MCTP1: variants seen among roughly 807,000 people sequenced by gnomAD.
MCTP1 encodes multiple C2 and transmembrane domain-containing protein 1.
A neutral mutation model predicts 120.6 loss-of-function variants in MCTP1; 69 were observed. The ratio of observed to expected loss-of-function variants is 0.57; its 90% CI spans 0.47 to 0.70. The LOEUF (loss-of-function observed/expected upper bound fraction) is 0.70, where lower values mean the gene tolerates loss of function less well. MCTP1 is among the 30% of genes least tolerant of loss of function. The pLI, the probability that MCTP1 is intolerant of heterozygous loss-of-function variation, is 0.00. For synonymous variants in MCTP1, 529 were observed against 493.1 expected, an observed-to-expected ratio of 1.07 and a Z score of -0.96; for missense variants, 1,203 against 1,248.8, an observed-to-expected ratio of 0.96 and a Z score of 0.55.
chr5:94,873,011 A>G, intron 13 of MCTP1, 128 bp downstream of exon 13: 1 of 635,472 alleles, frequency 1.6e-6, no homozygotes, highest in Non-Finnish European at 2.8e-6. Flanking sequence ...GTTGTTAGCA[A>G]AGGCAGGCCA....
rs140872535 is a variant in MCTP1, at chr5:95,118,588, G to C, written c.721-101104C>G. The stretch of plus-strand genomic sequence containing the variant: ...CAAAACTCTCCAATTAAAAGACATA[G>C]AGTGGCTGAATGGATTTTAAAGAAC... On this transcript the variant is annotated intron_variant, in intron 1 of 22. Transcript: ENST00000515393. Among the ~76,000 whole-genome samples the C allele has an allele frequency of 3.8e-3, 573 of 152,216 alleles. 4 individuals carry two copies. Among genetic ancestry groups the C allele is most frequent in the African/African-American group, 0.013 (533 of 41,538 alleles).
intron 1 of MCTP1, chr5:95,154,396 A>G (rs1008413821): frequency 1.3e-5 from 2 of 151,740 alleles, no homozygotes; most frequent in African/African-American, 4.9e-5. Context: ...TATTTCTACT[A>G]TATGTTAAAT....
chr5:94,758,783 C>A (rs1275356279), intron 19 of MCTP1, among the ~76,000 whole-genome samples: 2 of 151,980 alleles, frequency 1.3e-5, no homozygotes, highest in African/African-American at 4.8e-5. Context: ...TTGGAAAATG[C>A]ACAATTTTGT....
intron 7 of MCTP1, among the ~76,000 whole-genome samples, chr5:94,920,716 C>T (rs534932346): frequency 4.0e-5 from 6 of 150,046 alleles, no homozygotes; most frequent in Non-Finnish European, 5.9e-5. Flanking sequence ...CACTCCAGCC[C>T]GGGCGACAGA....
chr5:95,072,070 T>C (rs1018671855), intron 1 of MCTP1, among the ~76,000 whole-genome samples: 1 of 145,722 alleles, frequency 6.9e-6, no homozygotes, highest in South Asian at 2.2e-4. Context: ...TATGAAACAA[T>C]GCCAATTTTC....
rs572284612 is a variant in MCTP1 at position 94,913,655 on chromosome 5, T to C, written c.1351-679A>G. On this transcript the variant is annotated intron_variant, in intron 8 of 22. Coordinates refer to ENST00000515393, the MANE Select transcript of MCTP1 (RefSeq NM_024717.7). ...TATATTGGCAAGTATGTTTCTGAAT[T>C]TATTTTACATTTTAGTATCTGAATA... 3.9e-5 allele frequency among the ~76,000 whole-genome samples: 6 copies of C among 152,298 alleles called. No individual in the cohort carries two copies. The South Asian group carries it at 1.0e-3, about 26-fold the overall frequency.
rs116245284 is a variant in MCTP1, at chr5:95,034,943, A to G, written c.721-17459T>C. Among the ~76,000 whole-genome samples the G allele has an allele frequency of 4.2e-3, 638 of 152,182 alleles. 2 individuals are homozygous for G. Among genetic ancestry groups the G allele is most frequent in the Non-Finnish European group, 6.1e-3 (415 of 67,918 alleles). ...ACAGATACTTCTCAAAGGAAGATATACAAGTGACCAATAACCATTTGAAAA... is the reference window on the plus strand; with the variant it reads ...ACAGATACTTCTCAAAGGAAGATATGCAAGTGACCAATAACCATTTGAAAA... On this transcript the variant is annotated intron_variant, in intron 1 of 22. Transcript: ENST00000515393.
chr5:94,909,226 A>G (rs1807793180), intron 10 of MCTP1, 25 bp downstream of exon 10: 1 of 1,611,462 alleles, frequency 6.2e-7, no homozygotes, highest in South Asian at 1.1e-5. Context: ...CTAGGAGTGA[A>G]CCAAAAATTA....
chr5:95,266,509 T>G (rs1223986150), intron 1 of MCTP1, among the ~76,000 whole-genome samples: 4 of 152,224 alleles, frequency 2.6e-5, no homozygotes, highest in Non-Finnish European at 5.9e-5. Context: ...GTTTGAATAG[T>G]ATAATGTTTA....
chr5:95,200,343 T>C (rs1318643943), intron 1 of MCTP1, among the ~76,000 whole-genome samples: 2 of 152,092 alleles, frequency 1.3e-5, no homozygotes, highest in African/African-American at 4.8e-5. Context: ...ATCCCAATAC[T>C]GGGTATATAT....
chr5:94,791,367 C>T (rs2152987635), intron 18 of MCTP1, among the ~76,000 whole-genome samples: 1 of 151,734 alleles, frequency 6.6e-6, no homozygotes, highest in Non-Finnish European at 1.5e-5. Context: ...CAGTGGCTCG[C>T]ACCTGTTGTC....
At chr5:94,800,083 C>T (rs1490819353) in intron 17 of MCTP1, among the ~76,000 whole-genome samples, 1 of 152,170 alleles carries the variant, frequency 6.6e-6, no homozygotes, top group African/African-American at 2.4e-5. Context: ...TATATATCCC[C>T]TCTTTCGTTT....
rs986510943 is a variant in MCTP1, at chr5:95,284,044, G to C, written c.532C>G (p.Arg178Gly). 1.3e-6 allele frequency: 2 copies of C among 1,522,086 alleles called. No individual in the cohort carries two copies. The highest frequency in any genetic ancestry group is 1.4e-5 in the African/African-American group (1 of 70,446). 94.3% of individuals were successfully genotyped at this position (1,522,086 alleles called of 1,614,324 possible). ...SSPQPPPRGD[R>G]ARDEGARRQG... Reference sequence around the variant, plus strand: ...CGCCGTGCACCCTCATCTCGGGCGCGGTCCCCCCTCGGGGGAGGCTGGGGC... The same window carrying C: ...CGCCGTGCACCCTCATCTCGGGCGCCGTCCCCCCTCGGGGGAGGCTGGGGC... Residue 178 changes from arginine to glycine, a missense_variant, in exon 1 of 23, where the codon CGC becomes GGC. Physicochemically the swap from Arg to Gly is moderately radical, Grantham distance 125 (BLOSUM62 -2). Transcript: ENST00000515393. The surrounding 1 kb of genome is among the most constrained non-coding windows in gnomAD (Gnocchi z 5.2).
At chr5:94,803,292 T>C (rs255341) in intron 17 of MCTP1, among the ~76,000 whole-genome samples, 110,600 of 152,060 alleles carry the variant, frequency 0.73, 40,890 homozygotes, top group Middle Eastern at 0.83. Flanking sequence ...AAAAAGAACA[T>C]TGAGAGTTTT....
At chr5:95,198,615 T>C (rs1041405777) in intron 1 of MCTP1, among the ~76,000 whole-genome samples, 4 of 152,188 alleles carry the variant, frequency 2.6e-5, no homozygotes, top group African/African-American at 9.7e-5. Flanking sequence ...AATCCCATTG[T>C]ATAATAGCCT....
At chr5:95,170,151 C>T (rs1747049803) in intron 1 of MCTP1, among the ~76,000 whole-genome samples, 1 of 152,154 alleles carries the variant, frequency 6.6e-6, no homozygotes, top group Admixed American at 6.5e-5. Context: ...TTTATTTCTG[C>T]CTTCATTTCG....
chr5:94,717,901 T>C (rs1287198215), intron 19 of MCTP1, among the ~76,000 whole-genome samples: 3 of 152,170 alleles, frequency 2.0e-5, no homozygotes, highest in Non-Finnish European at 4.4e-5. Context: ...TCCATGCTCA[T>C]GGATAGGAAC....
intron 1 of MCTP1, among the ~76,000 whole-genome samples, chr5:95,273,787 A>G (rs1174763317): frequency 2.6e-5 from 4 of 152,240 alleles, no homozygotes; most frequent in Admixed American, 2.6e-4. Flanking sequence ...CCCAGGGGGA[A>G]AAAAGATGTT....
intron 1 of MCTP1, among the ~76,000 whole-genome samples, chr5:95,162,270 A>G (rs1325689507): frequency 6.6e-6 from 1 of 152,230 alleles, no homozygotes; most frequent in African/African-American, 2.4e-5. Context: ...AAAGAATTTC[A>G]CTTCTTTGAG....
Sources: gnomAD v4.1 joint callset for allele counts (sites outside exome capture counted in the v4.1 genomes callset) on GRCh38, gnomAD v4.1.1 for gene constraint, Gnocchi (gnomAD v3.1) non-coding constraint, MANE v1.5 for transcripts, NCBI Gene and HGNC (gene_info 2026-07-23, HGNC 2026-07-21) for gene names.